The following FANK1 variants were observed in gnomAD, a reference collection of about 807,000 sequenced individuals.
The protein encoded by FANK1 is fibronectin type III and ankyrin repeat domains 1, also known as fibronectin type 3 and ankyrin repeat domains protein 1.
In FANK1, 44 loss-of-function variants were observed where a neutral mutation model predicts 45.3. The ratio of observed to expected loss-of-function variants is 0.97; its 90% CI spans 0.76 to 1.25. FANK1 has a LOEUF of 1.25. FANK1 is among the 50% of genes most tolerant of loss of function. FANK1 has a pLI of 0.00. For synonymous variants in FANK1, 149 were observed against 152.5 expected (o/e 0.98, Z 0.17); for missense variants, 391 against 424.4 (o/e 0.92, Z 0.69).
intron 1 of FANK1, among the ~76,000 whole-genome samples, chr10:125,951,362 A>G (rs922849620): frequency 6.6e-6 from 1 of 152,154 alleles, no homozygotes; most frequent in Non-Finnish European, 1.5e-5. Context: ...CAAATCCTTT[A>G]TGTTCTGCTT....
chr10:126,005,641 TTC>T (rs1458486874), intron 7 of FANK1, among the ~76,000 whole-genome samples: 1 of 152,192 alleles, frequency 6.6e-6, no homozygotes, highest in Non-Finnish European at 1.5e-5. Flanking sequence ...GTTCATTTGC[TTC>T]TCTCTCCATT....
At chr10:125,903,827 T>C (rs1335183387) in intron 1 of FANK1, among the ~76,000 whole-genome samples, 2 of 152,050 alleles carry the variant, frequency 1.3e-5, no homozygotes, top group East Asian at 3.9e-4. Flanking sequence ...TATATATAAA[T>C]ATATATTTTG....
At chr10:125,955,188 T>A (rs1372435902) in intron 1 of FANK1, among the ~76,000 whole-genome samples, 1 of 152,020 alleles carries the variant, frequency 6.6e-6, no homozygotes, top group Non-Finnish European at 1.5e-5. Context: ...GGTGGTTTGC[T>A]GCACAGATCA....
intron 1 of FANK1, among the ~76,000 whole-genome samples, chr10:125,939,116 C>T (rs755645638): frequency 6.6e-6 from 1 of 152,076 alleles, no homozygotes; most frequent in Admixed American, 6.5e-5. Flanking sequence ...TACAATCAGA[C>T]AAATTGTAGC....
At chr10:125,957,057 A>C (rs1210568615) in intron 1 of FANK1, among the ~76,000 whole-genome samples, 2 of 152,148 alleles carry the variant, frequency 1.3e-5, no homozygotes, top group Admixed American at 1.3e-4. Flanking sequence ...GGGTTTCACC[A>C]TGTTAGCTAG....
chr10:125,922,676 A>T (rs1222392987), intron 1 of FANK1, among the ~76,000 whole-genome samples: 2 of 152,112 alleles, frequency 1.3e-5, no homozygotes, highest in African/African-American at 4.8e-5. Flanking sequence ...TGCCATGCCC[A>T]GCTAATTTTT....
At chr10:125,907,451 T>C (rs1236296024) in intron 1 of FANK1, 2 of 983,430 alleles carry the variant, frequency 2.0e-6, no homozygotes, top group Non-Finnish European at 1.2e-6. Context: ...TCTCTTCCTT[T>C]TTTAGTGTGG....
intron 1 of FANK1, among the ~76,000 whole-genome samples, chr10:125,952,472 A>T (rs1949301964): frequency 6.6e-6 from 1 of 152,134 alleles, no homozygotes; most frequent in South Asian, 2.1e-4. Context: ...AGCTGTTTAA[A>T]AAAAAGTTCA....
chr10:125,954,428 C>G (rs984347679), intron 1 of FANK1, among the ~76,000 whole-genome samples: 1 of 152,168 alleles, frequency 6.6e-6, no homozygotes, highest in Non-Finnish European at 1.5e-5. Flanking sequence ...TCTGACCCAT[C>G]ATCAGTGCTC....
chr10:125,994,541 C>G, intron 3 of FANK1: 5 of 985,392 alleles, frequency 5.1e-6, no homozygotes, highest in Non-Finnish European at 4.8e-6. Flanking sequence ...CTGTCACCCC[C>G]AACAACAGGT....
intron 1 of FANK1, among the ~76,000 whole-genome samples, chr10:125,910,443 C>T (rs183543262): frequency 2.6e-5 from 4 of 152,326 alleles, no homozygotes; most frequent in Non-Finnish European, 5.9e-5. Flanking sequence ...CCACCACCCT[C>T]TTCCTGTCCT....
intron 1 of FANK1, 55 bp from the exon 2 acceptor site, chr10:125,980,106 T>G: frequency 6.4e-7 from 1 of 1,566,466 alleles, no homozygotes; most frequent in Non-Finnish European, 8.7e-7. Flanking sequence ...ACTCGACTGG[T>G]CTCTCTTCCT....
rs76769742 is a variant in FANK1 at position 125,909,887 on chromosome 10, T to C, written c.13+13232T>C. Among the ~76,000 whole-genome samples, 4 of 151,504 alleles carry C rather than the reference T, an allele frequency of 2.6e-5. 1 individual carries two copies. The highest frequency in any genetic ancestry group is 5.9e-5 in the Non-Finnish European group (4 of 68,000). On this transcript the variant is annotated intron_variant, in intron 1 of 10. Coordinates refer to ENST00000368693, the MANE Select transcript of FANK1 (RefSeq NM_145235.5). ...ATACATGTGTTTACGATTATAGATTTCCCCCACCCCAGAGTTAGTCACATC... is the reference window on the plus strand; with the variant it reads ...ATACATGTGTTTACGATTATAGATTCCCCCCACCCCAGAGTTAGTCACATC...
chr10:125,960,486 C>T (rs1331862609), intron 1 of FANK1: 1 of 166,528 alleles, frequency 6.0e-6, no homozygotes, highest in African/African-American at 2.4e-5. Context: ...TGGGCACTGC[C>T]AATATTGTTG....
intron 1 of FANK1, among the ~76,000 whole-genome samples, chr10:125,921,842 C>T (rs1946967558): frequency 6.6e-6 from 1 of 152,158 alleles, no homozygotes; most frequent in African/African-American, 2.4e-5. Context: ...GTTTTCTCTT[C>T]TTCCTTTGTC....
In FANK1 at chr10:125,997,444, T is replaced by C. The variant is rs12411612; in HGVS notation, c.498T>C (p.Asn166=). 7.0e-3 allele frequency: 11,359 copies of C among 1,613,802 alleles called. 1,061 individuals carry two copies. The Admixed American group carries it at 0.17, about 25-fold the overall frequency. The stretch of plus-strand genomic sequence containing the variant: ...GGCTTGTGAAAATCCTAGTTTCTAA[T>C]GGCACAGACGTGAATCTGAAGAATG... ...YTRLVKILVS[N]GTDVNLKNGS... is the part of the protein sequence containing the mutation. The change falls in exon 6 of 11, where the codon AAT becomes AAC. Residue 166 remains asparagine (N), a synonymous_variant. Coordinates refer to ENST00000368693, the MANE Select transcript of FANK1 (RefSeq NM_145235.5).
intron 1 of FANK1, among the ~76,000 whole-genome samples, chr10:125,912,358 C>A (rs1241758404): frequency 3.3e-5 from 5 of 151,952 alleles, no homozygotes; most frequent in African/African-American, 1.2e-4. Context: ...TATCTACCCC[C>A]CTCCTCCTCT....
At chr10:125,960,085 T>G (rs1949824467) in intron 1 of FANK1, 1 of 156,886 alleles carries the variant, frequency 6.4e-6, no homozygotes, top group African/African-American at 2.4e-5. Context: ...AGGAAAGGTC[T>G]GAAATAACTA....
intron 1 of FANK1, among the ~76,000 whole-genome samples, chr10:125,912,648 T>C (rs1946121613): frequency 6.6e-6 from 1 of 152,228 alleles, no homozygotes; most frequent in African/African-American, 2.4e-5. Context: ...TTATTTTATT[T>C]TTTGAGACAT....
Sources: allele counts gnomAD v4.1 joint callset (sites outside exome capture counted in the v4.1 genomes callset), GRCh38; gene constraint gnomAD v4.1.1; transcripts MANE v1.5; gene names NCBI Gene and HGNC (gene_info 2026-07-23, HGNC 2026-07-21).